RHEX: variants seen among roughly 807,000 people sequenced by gnomAD.
The protein encoded by RHEX is regulator of hemoglobinization and erythroid cell expansion, also known as regulator of hemoglobinization and erythroid cell expansion protein.
In RHEX, 18 loss-of-function variants were observed where a neutral mutation model predicts 20.1. The observed-to-expected ratio is 0.90, with a 90% CI of 0.62 to 1.33. RHEX has a LOEUF of 1.33. Ranked by LOEUF, RHEX falls within the 40% of genes most tolerant of loss-of-function variation. RHEX has a pLI of 0.00. For missense variants in RHEX, 192 were observed against 214.3 expected (o/e 0.90, Z 0.65); for synonymous variants, 87 against 77.1 (o/e 1.13, Z -0.67).
At chr1:206,089,503 C>T (rs1218240403) in intron 1 of RHEX, among the ~76,000 whole-genome samples, 5 of 152,082 alleles carry the variant, frequency 3.3e-5, no homozygotes, top group South Asian at 2.1e-4. Flanking sequence ...ATCCTCATTT[C>T]TTCAGTTTTT....
At chr1:206,094,613 A>G (rs1553287457) in intron 1 of RHEX, among the ~76,000 whole-genome samples, 2 of 152,242 alleles carry the variant, frequency 1.3e-5, no homozygotes, top group Non-Finnish European at 2.9e-5. Context: ...TGAGACACTG[A>G]ATTCAATAAT....
chr1:206,092,206 G>A (rs1211420140), intron 1 of RHEX, among the ~76,000 whole-genome samples: 1 of 152,092 alleles, frequency 6.6e-6, no homozygotes, highest in Non-Finnish European at 1.5e-5. Context: ...TTACAAGTGT[G>A]AGCCACTGGG....
chr1:206,056,123 C>T (rs1165937435), intron 1 of RHEX, among the ~76,000 whole-genome samples: 1 of 152,270 alleles, frequency 6.6e-6, no homozygotes, highest in Non-Finnish European at 1.5e-5. Flanking sequence ...CCGCCACCTT[C>T]CTCCCGGTGT....
chr1:206,094,168 TGGTGTGTG>T (rs1355955163), intron 1 of RHEX, among the ~76,000 whole-genome samples: 9 of 119,414 alleles, frequency 7.5e-5, no homozygotes, highest in African/African-American at 1.6e-4. Flanking sequence ...CCTGGTTATT[TGGTGTGTG>T]TGTGTGTGTG....
intron 1 of RHEX, among the ~76,000 whole-genome samples, chr1:206,096,350 A>G (rs1039035567): frequency 3.9e-5 from 6 of 152,268 alleles, no homozygotes; most frequent in African/African-American, 1.4e-4. Flanking sequence ...GAGATATTCA[A>G]TATTAGACAA....
intron 1 of RHEX, among the ~76,000 whole-genome samples, chr1:206,076,575 A>G (rs1166537524): frequency 6.6e-6 from 1 of 152,234 alleles, no homozygotes; most frequent in East Asian, 1.9e-4. Context: ...GTTCCTTGAC[A>G]ACTGTTCTGC....
intron 1 of RHEX, among the ~76,000 whole-genome samples, chr1:206,058,066 C>T (rs1299367600): frequency 6.6e-6 from 1 of 152,240 alleles, no homozygotes; most frequent in Non-Finnish European, 1.5e-5. Context: ...CATAGATGAT[C>T]AGGGGCAAGT....
chr1:206,066,644 C>A (rs565994469), intron 1 of RHEX, among the ~76,000 whole-genome samples: 53 of 152,264 alleles, frequency 3.5e-4, no homozygotes, highest in African/African-American at 1.1e-3. Flanking sequence ...AACCTACAGG[C>A]AGGGAAGTGG....
intron 1 of RHEX, among the ~76,000 whole-genome samples, chr1:206,071,791 G>C (rs1246915587): frequency 6.6e-6 from 1 of 150,838 alleles, no homozygotes; most frequent in Non-Finnish European, 1.5e-5. Flanking sequence ...TGAGACTGCA[G>C]TGAGCTATGA....
chr1:206,096,766 TTTTTTTTTTTTTTGG>T lies in RHEX; in HGVS notation c.-96-955_-96-941del, dbSNP rs1446616267. On this transcript the variant is annotated intron_variant, in intron 1 of 5. Transcript: ENST00000331555. ...TTTTATTTTGTGCACAAGTCCCCTG[TTTTTTTTTTTTTTGG>T]TTTTTTTTTTTGAGACAGGGTCTTG... is the stretch of plus-strand genomic sequence containing the variant. Among the ~76,000 whole-genome samples the T allele has an allele frequency of 2.3e-3, 214 of 92,312 alleles. 4 individuals carry two copies. The highest frequency in any genetic ancestry group is 0.01 in the African/African-American group (205 of 19,956). The allele number at this position is 92,312 out of a possible 152,430, so 60.6% of individuals were successfully genotyped here.
rs545482587 is a variant in RHEX, at chr1:206,087,981, C to T, written c.-96-9752C>T. Reference sequence around the variant, plus strand: ...ATTTTCACCAATTAAAAAAATAGGCCGGGTGCAGCGGCTCATGCCTATAAT... The same window carrying T: ...ATTTTCACCAATTAAAAAAATAGGCTGGGTGCAGCGGCTCATGCCTATAAT... On this transcript the variant is annotated intron_variant, in intron 1 of 5. Coordinates refer to ENST00000331555, the MANE Select transcript of RHEX (RefSeq NM_001007544.4). Among the ~76,000 whole-genome samples the T allele has an allele frequency of 9.9e-4, 151 of 152,204 alleles. 3 individuals are homozygous for T. In the South Asian group the frequency reaches 0.029, roughly 29 times the overall value.
intron 1 of RHEX, among the ~76,000 whole-genome samples, chr1:206,070,487 A>G (rs1325308287): frequency 6.6e-6 from 1 of 152,164 alleles, no homozygotes; most frequent in Non-Finnish European, 1.5e-5. Flanking sequence ...AAATGCATCT[A>G]TGTTTTAACA....
intron 1 of RHEX, among the ~76,000 whole-genome samples, chr1:206,066,364 C>T (rs1360994389): frequency 4.6e-5 from 7 of 152,232 alleles, no homozygotes; most frequent in Admixed American, 2.6e-4. Flanking sequence ...CGCCTGTAAT[C>T]CCAGCATTTT....
At chr1:206,071,546 CA>C (rs35408708) in intron 1 of RHEX, among the ~76,000 whole-genome samples, 8,976 of 95,818 alleles carry the variant, frequency 0.094, 483 homozygotes, top group African/African-American at 0.21. Flanking sequence ...GTTGAAAATG[CA>C]AAAAAAAAAA....
intron 1 of RHEX, among the ~76,000 whole-genome samples, chr1:206,069,838 T>A (rs1662494495): frequency 6.6e-6 from 1 of 152,204 alleles, no homozygotes; most frequent in Admixed American, 6.5e-5. Flanking sequence ...TTTTAAAAAT[T>A]ACATGAATAG....
chr1:206,100,850 T>TA (rs1663172464), intron 4 of RHEX, among the ~76,000 whole-genome samples: 1 of 152,230 alleles, frequency 6.6e-6, no homozygotes, highest in African/African-American at 2.4e-5. Flanking sequence ...GTGTATTTTT[T>TA]AACATTAGTT....
chr1:206,090,008 T>C (rs1662914779), intron 1 of RHEX, among the ~76,000 whole-genome samples: 1 of 152,076 alleles, frequency 6.6e-6, no homozygotes, highest in Non-Finnish European at 1.5e-5. Flanking sequence ...ATTTATTTTC[T>C]TTTCCCTTAC....
At chr1:206,071,305 C>T (rs1315774511) in intron 1 of RHEX, among the ~76,000 whole-genome samples, 2 of 152,118 alleles carry the variant, frequency 1.3e-5, no homozygotes, top group Non-Finnish European at 1.5e-5. Flanking sequence ...GATTCCTCTG[C>T]CAGCTTTTAT....
chr1:206,096,552 G>A (rs1009680509), intron 1 of RHEX, among the ~76,000 whole-genome samples: 13 of 152,340 alleles, frequency 8.5e-5, no homozygotes, highest in Admixed American at 5.2e-4. Flanking sequence ...TGAGGCTTGA[G>A]AAATCAGCAT....
Sources: allele counts gnomAD v4.1 joint callset (sites outside exome capture counted in the v4.1 genomes callset), GRCh38; gene constraint gnomAD v4.1.1; transcripts MANE v1.5; gene names NCBI Gene and HGNC (gene_info 2026-07-23, HGNC 2026-07-21).